Variants in BCAR3 observed in about 807,000 individuals in gnomAD.
BCAR3 encodes the protein breast cancer anti-estrogen resistance protein 3.
A neutral mutation model predicts 80.1 loss-of-function variants in BCAR3; 37 were observed. The observed-to-expected ratio is 0.46, with a 90% CI of 0.36 to 0.61. The LOEUF (loss-of-function observed/expected upper bound fraction) is 0.61, where lower values mean the gene tolerates loss of function less well. BCAR3 is among the 20% of genes least tolerant of loss of function. BCAR3 has a pLI of 0.00. For synonymous variants in BCAR3, 389 were observed against 418.9 expected (o/e 0.93, Z 0.87); for missense variants, 978 against 1,068.2 (o/e 0.92, Z 1.18).
At chr1:93,808,690 G>A (rs1653733350) in intron 2 of BCAR3, among the ~76,000 whole-genome samples, 1 of 152,016 alleles carries the variant, frequency 6.6e-6, no homozygotes, top group Non-Finnish European at 1.5e-5. Context: ...AGGGCAGCTG[G>A]AACAAACAGA....
chr1:93,648,871 G>A (rs138435464), intron 2 of BCAR3: 2,677 of 152,638 alleles, frequency 0.018, 136 homozygotes, highest in Admixed American at 0.11. Context: ...CCTGGCTGCA[G>A]CTTCCCTGGT....
chr1:93,567,194 T>TAAA lies in BCAR3; in HGVS notation c.2299+84_2299+85insTTT. 3 of 1,501,534 alleles carry TAAA rather than the reference T, an allele frequency of 2.0e-6. No individual in the cohort carries two copies. In the South Asian group the frequency reaches 3.7e-5, roughly 18 times the overall value. 93.0% of individuals were successfully genotyped at this position (1,501,534 alleles called of 1,614,324 possible). On this transcript the variant is annotated intron_variant, in intron 11 of 11. Transcript: ENST00000260502. ...TAATCCTTCCTTTTTGGTCTTTTTC[T>TAAA]AAGTGAAGTCAGCCATGCTCTTCCA...
chr1:93,613,063 G>C (rs1204604852), intron 3 of BCAR3, among the ~76,000 whole-genome samples: 1 of 152,224 alleles, frequency 6.6e-6, no homozygotes. Flanking sequence ...CTCTGCTTCA[G>C]GGTGGGAAGG....
intron 2 of BCAR3, among the ~76,000 whole-genome samples, chr1:93,766,116 C>T (rs570987272): frequency 1.2e-4 from 18 of 152,298 alleles, no homozygotes; most frequent in African/African-American, 4.1e-4. Flanking sequence ...TGGCAACCAC[C>T]ATGCTACTCT....
At chr1:93,738,163 T>TCAATTCAACCCAGTAC (rs1651047830) in intron 2 of BCAR3, among the ~76,000 whole-genome samples, 1 of 152,194 alleles carries the variant, frequency 6.6e-6, no homozygotes, top group Admixed American at 6.5e-5. Flanking sequence ...GATCAGAGTT[T>TCAATTCAACCCAGTAC]AATTCAAGCT....
rs1380531288 is a variant in BCAR3, at chr1:93,562,274, C to T, written c.2445G>A (p.Leu815=). Residue 815 remains leucine, a synonymous_variant, in exon 12 of 12, where the codon TTG becomes TTA. Transcript: ENST00000260502. ...CTGCCTGCTTTACAGGAGGAGGTTCCAATTTACGCGAGAGGGCAGTTAAAA... is the reference window on the plus strand; with the variant it reads ...CTGCCTGCTTTACAGGAGGAGGTTCTAATTTACGCGAGAGGGCAGTTAAAA... ...NQILTALSRK[L]EPPPVKQAEL 6.2e-7 allele frequency: 1 copy of T among 1,613,892 alleles called. No individual in the cohort carries two copies. Among genetic ancestry groups the T allele is most frequent in the South Asian group, 1.1e-5 (1 of 91,022 alleles).
chr1:93,798,434 C>T (rs1006974207), intron 2 of BCAR3, among the ~76,000 whole-genome samples: 8 of 151,226 alleles, frequency 5.3e-5, no homozygotes, highest in Non-Finnish European at 7.4e-5. Flanking sequence ...AGACTCTTAA[C>T]AATAGCCAAT....
intron 3 of BCAR3, among the ~76,000 whole-genome samples, chr1:93,596,659 T>C (rs558922916): frequency 7.2e-5 from 11 of 152,338 alleles, no homozygotes; most frequent in African/African-American, 2.6e-4. Flanking sequence ...ATAAATGCAA[T>C]AAACGTTAAT....
In BCAR3 at chr1:93,716,936, G is replaced by A. The variant is rs192380268; in HGVS notation, c.-62-10794C>T. ...GAGTGGTGAAGCTGTAGATGGGCTC[G>A]GTAGATACAGACTGAGGCCACAACA... On this transcript the variant is annotated intron_variant, in intron 2 of 13. Transcript: ENST00000370244. Among the ~76,000 whole-genome samples, 269 of 152,294 alleles carry A rather than the reference G, an allele frequency of 1.8e-3. 1 individual carries two copies. The highest frequency in any genetic ancestry group is 5.5e-3 in the African/African-American group (227 of 41,558).
In BCAR3 at chr1:93,771,384, G is replaced by A. The variant is rs565277483; in HGVS notation, c.-62-65242C>T. Among the ~76,000 whole-genome samples, 5 of 152,298 alleles carry A rather than the reference G, an allele frequency of 3.3e-5. No individual in the cohort carries two copies. In the South Asian group the frequency reaches 8.3e-4, roughly 25 times the overall value. ...GACATAGGGCAACTTGGCACATGAA[G>A]TCATCAAGGACCTGGAAAAGCATCT... On this transcript the variant is annotated intron_variant, in intron 2 of 13. Transcript: ENST00000370244.
At chr1:93,662,891 T>C (rs1647730032) in intron 2 of BCAR3, among the ~76,000 whole-genome samples, 1 of 152,050 alleles carries the variant, frequency 6.6e-6, no homozygotes, top group Non-Finnish European at 1.5e-5. Flanking sequence ...CTTTTCTCTC[T>C]CTAAATCCTT....
chr1:93,620,673 G>T (rs1157655348), intron 3 of BCAR3, among the ~76,000 whole-genome samples: 1 of 152,148 alleles, frequency 6.6e-6, no homozygotes, highest in Non-Finnish European at 1.5e-5. Flanking sequence ...CCCTGGCCCT[G>T]CAATTCAGCC....
At chr1:93,699,509 G>A (rs1649560946) in intron 3 of BCAR3, among the ~76,000 whole-genome samples, 1 of 152,132 alleles carries the variant, frequency 6.6e-6, no homozygotes, top group Admixed American at 6.5e-5. Context: ...TGTTGCGGGG[G>A]CGGGGGTGGA....
Position 93,565,865 on chromosome 1 carries a change from T to C in BCAR3, c.2299+1414A>G, listed in dbSNP as rs7532631. On this transcript the variant is annotated intron_variant, in intron 11 of 11. Coordinates refer to ENST00000260502, the MANE Select transcript of BCAR3 (RefSeq NM_003567.4). ...CCTGCCCCCACATAGTTCTTAACTT[T>C]GTGAATCAAACTGTGAGCCCTTGAA... Among the ~76,000 whole-genome samples the C allele has an allele frequency of 4.9e-3, 743 of 152,368 alleles. 7 individuals carry two copies. The highest frequency in any genetic ancestry group is 0.016 in the African/African-American group (668 of 41,582).
intron 2 of BCAR3, among the ~76,000 whole-genome samples, chr1:93,764,459 C>T (rs1200349283): frequency 1.3e-5 from 2 of 152,134 alleles, no homozygotes; most frequent in Admixed American, 6.5e-5. Flanking sequence ...TCCCCTCTCC[C>T]ACCCCAGCCC....
intron 2 of BCAR3, among the ~76,000 whole-genome samples, chr1:93,741,369 T>A (rs1267457836): frequency 6.6e-6 from 1 of 152,178 alleles, no homozygotes; most frequent in African/African-American, 2.4e-5. Flanking sequence ...TTGTGATGCC[T>A]CACTGTGACA....
At chr1:93,762,427 C>T (rs913999210) in intron 2 of BCAR3, among the ~76,000 whole-genome samples, 2 of 152,178 alleles carry the variant, frequency 1.3e-5, no homozygotes, top group African/African-American at 4.8e-5. Flanking sequence ...GGTCAGAACT[C>T]AGAACCATTC....
At position 93,582,843 on chromosome 1, in the gene BCAR3, C is replaced by T. The variant is rs1331877984; in HGVS notation, c.1144G>A (p.Val382Ile). Residue 382 changes from valine (V) to isoleucine (I), a missense_variant, in exon 7 of 12, where the codon GTC (valine) becomes ATC (isoleucine). Val to Ile is a conservative substitution (Grantham distance 29, BLOSUM62 3). Transcript: ENST00000260502. ...PALSPAVVRR[V>I]SSDARAGEAL... The stretch of plus-strand genomic sequence containing the variant: ...TCCCCAGCCCTGGCGTCTGAGGAGA[C>T]CCTCCGAACCACTGCTGGGCTCAGG... 6.2e-7 allele frequency: 1 copy of T among 1,613,380 alleles called. No homozygotes were observed. The highest frequency in any genetic ancestry group is 1.1e-5 in the South Asian group (1 of 91,054).
intron 2 of BCAR3, among the ~76,000 whole-genome samples, chr1:93,770,998 T>C (rs1337354660): frequency 6.6e-6 from 1 of 152,164 alleles, no homozygotes; most frequent in Admixed American, 6.5e-5. Flanking sequence ...GTACTATACC[T>C]TTCACAAGGG....
Sources: gnomAD v4.1 joint callset for allele counts (sites outside exome capture counted in the v4.1 genomes callset) on GRCh38, gnomAD v4.1.1 for gene constraint, MANE v1.5 for transcripts, NCBI Gene and HGNC (gene_info 2026-07-23, HGNC 2026-07-21) for gene names.